The following C4BPA variants were observed in gnomAD, a reference collection of about 807,000 sequenced individuals.
The protein encoded by C4BPA is C4b-binding protein alpha chain.
Under a neutral mutation model 63.7 loss-of-function variants are expected in C4BPA, and 31 were observed. The observed-to-expected ratio is 0.49, with a 90% CI of 0.37 to 0.66. The LOEUF is 0.66. Ranked by LOEUF, C4BPA falls within the 30% of genes least tolerant of loss-of-function variation. The pLI, the probability that C4BPA is intolerant of heterozygous loss-of-function variation, is 0.00. For missense variants in C4BPA, 572 were observed against 723.3 expected (o/e 0.79, Z 2.40); for synonymous variants, 259 against 254.7 (o/e 1.02, Z -0.16).
intron 4 of C4BPA, among the ~76,000 whole-genome samples, chr1:207,121,916 A>G (rs1271692534): frequency 6.6e-6 from 1 of 152,138 alleles, no homozygotes; most frequent in Non-Finnish European, 1.5e-5. Context: ...ATTTAACATT[A>G]ATGTGAAATA....
intron 2 of C4BPA, among the ~76,000 whole-genome samples, chr1:207,113,483 T>C (rs892001795): frequency 3.9e-5 from 6 of 152,178 alleles, no homozygotes; most frequent in African/African-American, 1.4e-4. Flanking sequence ...TGTGGGTTTA[T>C]TCAGGGGGTG....
At position 207,120,259 on chromosome 1, in the gene C4BPA, G is replaced by A. The variant is rs536277635; in HGVS notation, c.429-3663G>A. Among the ~76,000 whole-genome samples, 14 of 152,252 alleles carry A rather than the reference G, an allele frequency of 9.2e-5. 1 individual carries two copies. Among genetic ancestry groups the A allele is most frequent in the Middle Eastern group, 6.8e-3 (2 of 294 alleles). On this transcript the variant is annotated intron_variant, in intron 4 of 11. Coordinates refer to ENST00000367070, the MANE Select transcript of C4BPA (RefSeq NM_000715.4). ...TTTCAGGTAAAATACAGGATGCCCAGTTAAATTTGATTTTCGGGTAAACAA... is the reference window on the plus strand; with the variant it reads ...TTTCAGGTAAAATACAGGATGCCCAATTAAATTTGATTTTCGGGTAAACAA...
rs1338772164 is a variant in C4BPA, at chr1:207,124,444, G to A, written c.706+78G>A. 11 of 1,094,092 alleles carry A rather than the reference G, an allele frequency of 1.0e-5. No homozygotes were observed. The African/African-American group carries it at 1.4e-4, about 14-fold the overall frequency. 67.8% of individuals were successfully genotyped at this position (1,094,092 alleles called of 1,614,324 possible). A position where few individuals can be genotyped will look rare whatever the true frequency, so the allele number is the denominator to read the frequency against. On this transcript the variant is annotated intron_variant, in intron 6 of 11. Transcript: ENST00000367070. ...AAGAGAAAGAAAGGTAAATTTATTG[G>A]GGGGCAAATGGAAAATTCAAAGATA...
Position 207,133,034 on chromosome 1 carries a change from T to G in C4BPA, c.1084+1294T>G, listed in dbSNP as rs77979704. Reference sequence around the variant, plus strand: ...AGCAGGACCCAGTTGTTTACATTTATTTGATCCCCTATGATCTTATTGATT... The same window carrying G: ...AGCAGGACCCAGTTGTTTACATTTAGTTGATCCCCTATGATCTTATTGATT... On this transcript the variant is annotated intron_variant, in intron 8 of 11. Coordinates refer to ENST00000367070, the MANE Select transcript of C4BPA (RefSeq NM_000715.4). Among the ~76,000 whole-genome samples the G allele has an allele frequency of 8.4e-3, 1,286 of 152,306 alleles. 16 individuals carry two copies. Among genetic ancestry groups the G allele is most frequent in the African/African-American group, 0.028 (1,143 of 41,554 alleles).
intron 6 of C4BPA, 152 bp from the exon 7 acceptor site, chr1:207,126,561 G>C (rs537959778): frequency 1.9e-6 from 1 of 513,318 alleles, no homozygotes; most frequent in Admixed American, 3.5e-5. Flanking sequence ...TTGTGTATGT[G>C]TATTCACTTT....
chr1:207,116,315 G>C (rs559064340), intron 4 of C4BPA, among the ~76,000 whole-genome samples: 1 of 152,018 alleles, frequency 6.6e-6, no homozygotes, highest in East Asian at 1.9e-4. Flanking sequence ...ATGTCCAGGG[G>C]ATGTTTGTAT....
At chr1:207,109,760 C>T (rs542881722) in intron 1 of C4BPA, among the ~76,000 whole-genome samples, 26 of 152,258 alleles carry the variant, frequency 1.7e-4, no homozygotes, top group Non-Finnish European at 3.5e-4. Flanking sequence ...TTTTTGCCTA[C>T]TGCTTCCCTC....
intron 9 of C4BPA, among the ~76,000 whole-genome samples, chr1:207,138,601 G>C (rs1288409269): frequency 1.3e-5 from 2 of 152,082 alleles, no homozygotes; most frequent in African/African-American, 4.8e-5. Flanking sequence ...GGTTCTGCTG[G>C]GTCCTAAGGC....
Position 207,144,742 on chromosome 1 carries a change from G to C in C4BPA, c.*25G>C, listed in dbSNP as rs748231720. The C allele has an allele frequency of 5.8e-6, 9 of 1,557,228 alleles. No homozygotes were observed. Among genetic ancestry groups the C allele is most frequent in the East Asian group, 2.3e-5 (1 of 43,304 alleles). The stretch of plus-strand genomic sequence containing the variant: ...ATTTTTCTCAAAAGAAGGAGGAAAA[G>C]GTGTCTTGCTGGCTTGCCTCTTGCA... On this transcript the variant is annotated 3_prime_UTR_variant, in exon 12 of 12. Transcript: ENST00000367070.
At chr1:207,131,801 T>G in intron 8 of C4BPA, 61 bp downstream of exon 8, 7 of 1,098,104 alleles carry the variant, frequency 6.4e-6, no homozygotes, top group Non-Finnish European at 9.3e-6. Flanking sequence ...TAGGATTCTC[T>G]ACCTTAAATG....
rs1383348820 is a variant in C4BPA, at chr1:207,121,722, T to C, written c.429-2200T>C. Among the ~76,000 whole-genome samples the C allele has an allele frequency of 2.0e-5, 3 of 152,112 alleles. No individual in the cohort carries two copies. In the East Asian group the frequency reaches 5.8e-4, roughly 29 times the overall value. ...AGGAAGGTTCAAAATTTGTTTCTAG[T>C]GGTGACCTATATACATTTAAATTTA... On this transcript the variant is annotated intron_variant, in intron 4 of 11. Coordinates refer to ENST00000367070, the MANE Select transcript of C4BPA (RefSeq NM_000715.4).
In C4BPA at chr1:207,115,486, A is replaced by G. The variant is rs370398942; in HGVS notation, c.399A>G (p.Gly133=). The change falls in exon 4 of 12, where the codon GGA becomes GGG. Residue 133 remains glycine, a synonymous_variant. Coordinates refer to ENST00000367070, the MANE Select transcript of C4BPA (RefSeq NM_000715.4). Reference sequence around the variant, plus strand: ...AGATTAAGACAGATTTATCTTTTGGATCACAAATAGAATTCAGCTGTTCAG... The same window carrying G: ...AGATTAAGACAGATTTATCTTTTGGGTCACAAATAGAATTCAGCTGTTCAG... ...QVEIKTDLSF[G]SQIEFSCSEG... is the part of the protein sequence containing the mutation. 52 of 1,594,072 alleles carry G rather than the reference A, an allele frequency of 3.3e-5. No individual in the cohort carries two copies. In the African/African-American group the frequency reaches 6.7e-4, roughly 20 times the overall value.
chr1:207,114,112 C>G lies in C4BPA; in HGVS notation c.155C>G (p.Pro52Arg), dbSNP rs777155856. 1.9e-6 allele frequency: 3 copies of G among 1,611,500 alleles called. No individual in the cohort carries two copies. Among genetic ancestry groups the G allele is most frequent in the Non-Finnish European group, 2.5e-6 (3 of 1,178,622 alleles). Reference protein sequence around the residue: ...LLPAVLGNCGPPPTLSFAAPM... With the variant: ...LLPAVLGNCGRPPTLSFAAPM... ...TTTTGGTGTCCAGGCAATTGTGGTC[C>G]TCCACCCACTTTATCATTTGCTGCC... Residue 52 changes from proline to arginine, a missense_variant, in exon 3 of 12, where the codon CCT becomes CGT. Transcript: ENST00000367070.
Position 207,114,158 on chromosome 1 carries a change from T to G in C4BPA, c.201T>G (p.Thr67=), listed in dbSNP as rs1248236344. ...CTGCCCCGATGGATATTACGTTGAC[T>G]GAGACACGCTTCAAAACTGGAACTA... ...SFAAPMDITL[T]ETRFKTGTTL... The change falls in exon 3 of 12, where the codon ACT becomes ACG. Residue 67 remains threonine (T), a synonymous_variant. Coordinates refer to ENST00000367070, the MANE Select transcript of C4BPA (RefSeq NM_000715.4). 6.2e-7 allele frequency: 1 copy of G among 1,613,590 alleles called. No individual in the cohort carries two copies. Among genetic ancestry groups the G allele is most frequent in the African/African-American group, 1.3e-5 (1 of 74,888 alleles).
At chr1:207,137,936 AT>A (rs1183378725) in intron 9 of C4BPA, among the ~76,000 whole-genome samples, 1 of 152,102 alleles carries the variant, frequency 6.6e-6, no homozygotes, top group African/African-American at 2.4e-5. Context: ...TTCTTATTAG[AT>A]TTAAGATCTG....
intron 1 of C4BPA, among the ~76,000 whole-genome samples, chr1:207,106,434 C>T (rs1045424209): frequency 7.7e-6 from 1 of 130,608 alleles, no homozygotes; most frequent in Non-Finnish European, 1.6e-5. Flanking sequence ...TTCCTTCCTC[C>T]GTGTAAGTTT....
intron 8 of C4BPA, among the ~76,000 whole-genome samples, chr1:207,133,100 A>G (rs1473395698): frequency 6.6e-6 from 1 of 152,226 alleles, no homozygotes; most frequent in Non-Finnish European, 1.5e-5. Flanking sequence ...TTTTAAAAGC[A>G]GAAGTGAAGT....
At chr1:207,121,512 T>C (rs954904415) in intron 4 of C4BPA, among the ~76,000 whole-genome samples, 2 of 152,082 alleles carry the variant, frequency 1.3e-5, no homozygotes, top group Non-Finnish European at 2.9e-5. Flanking sequence ...GAAACACTTT[T>C]AGGTTTGTCT....
chr1:207,142,986 T>C (rs1262795544), intron 10 of C4BPA, among the ~76,000 whole-genome samples: 2 of 152,100 alleles, frequency 1.3e-5, no homozygotes, highest in Non-Finnish European at 2.9e-5. Context: ...CATTACTGGG[T>C]ATATATGCAA....
Sources: gnomAD v4.1 joint callset for allele counts (sites outside exome capture counted in the v4.1 genomes callset) on GRCh38, gnomAD v4.1.1 for gene constraint, MANE v1.5 for transcripts, NCBI Gene and HGNC (gene_info 2026-07-23, HGNC 2026-07-21) for gene names.